CPT1A: variants seen among roughly 807,000 people sequenced by gnomAD.
CPT1A encodes carnitine palmitoyltransferase 1A, also known as carnitine O-palmitoyltransferase 1, liver isoform.
CPT1A carries 64 observed loss-of-function variants against 100.8 expected under a neutral mutation model. The observed-to-expected ratio is 0.63, with a 90% CI of 0.52 to 0.78. The LOEUF (loss-of-function observed/expected upper bound fraction) is 0.78, where lower values mean the gene tolerates loss of function less well. Ranked by LOEUF, CPT1A falls within the 30% of genes least tolerant of loss-of-function variation. The probability of loss-of-function intolerance (pLI) is 0.00; values close to 1 mark genes in which losing one functional copy is unlikely to be tolerated. For synonymous variants in CPT1A, 363 were observed against 396.0 expected (o/e 0.92, Z 0.99); for missense variants, 802 against 1,034.1 (o/e 0.78, Z 3.08).
chr11:68,818,890 ATAT>A, intron 1 of CPT1A, among the ~76,000 whole-genome samples: 1 of 152,088 alleles, frequency 6.6e-6, no homozygotes, highest in East Asian at 1.9e-4. Flanking sequence ...CAGTATTTAC[ATAT>A]TATTTAGTAG....
At position 68,807,494 on chromosome 11, in the gene CPT1A, C is replaced by T; in HGVS notation, c.426G>A (p.Lys142=). ...TCCAGATCTTGGTGGCACGACTCAT[C>T]TTGCCGTGCTCAGTGAACATCCACC... ...YHGWMFTEHG[K]MSRATKIWMG... Residue 142 remains lysine (K), a synonymous_variant, in exon 4 of 19, where the codon AAG becomes AAA. Transcript: ENST00000265641. The T allele has an allele frequency of 6.2e-7, 1 of 1,614,194 alleles. No individual in the cohort carries two copies. The highest frequency in any genetic ancestry group is 8.5e-7 in the Non-Finnish European group (1 of 1,180,028).
rs80356775 is a variant in CPT1A at position 68,807,553 on chromosome 11, G to A, written c.367C>T (p.Arg123Cys). The change falls in exon 4 of 19, where the codon CGC (arginine) becomes TGC (cysteine). Residue 123 changes from arginine to cysteine, a missense_variant. This residue lies in a region of CPT1A where 161 missense variants were observed against 183.7 expected (regional missense o/e 0.88). Coordinates refer to ENST00000265641, the MANE Select transcript of CPT1A (RefSeq NM_001876.4). Reference sequence around the variant, plus strand: ...GAGAGCAGCACTTTCAGGGAGTAGCGCATGGTGACGATGAGGGCCACCCAC... The same window carrying A: ...GAGAGCAGCACTTTCAGGGAGTAGCACATGGTGACGATGAGGGCCACCCAC... Reference protein sequence around the residue: ...GLWVALIVTMRYSLKVLLSYH... With the variant: ...GLWVALIVTMCYSLKVLLSYH... 4.3e-6 allele frequency: 7 copies of A among 1,613,998 alleles called. No individual in the cohort carries two copies. Among genetic ancestry groups the A allele is most frequent in the East Asian group, 2.2e-5 (1 of 44,888 alleles).
chr11:68,841,976 G>T (rs1857171830), upstream of CPT1A: 3 of 985,152 alleles, frequency 3.0e-6, no homozygotes, highest in South Asian at 4.5e-5. This position sits in a 1 kb window ranked among gnomAD's most constrained non-coding sequence, Gnocchi z 6.3. Context: ...CGCGGAGGGC[G>T]GGCCCGGGGC....
At chr11:68,772,353 C>CA (rs35574171) in intron 14 of CPT1A, among the ~76,000 whole-genome samples, 7 of 151,226 alleles carry the variant, frequency 4.6e-5, no homozygotes, top group African/African-American at 7.3e-5. Flanking sequence ...GATTCTGTCT[C>CA]AAAAAAAAAG....
chr11:68,824,204 G>A (rs1271832960), intron 1 of CPT1A, among the ~76,000 whole-genome samples: 2 of 147,874 alleles, frequency 1.4e-5, no homozygotes, highest in South Asian at 2.2e-4. Flanking sequence ...GCTGAGATCG[G>A]GCCACTGCAC....
chr11:68,760,477 C>T (rs1239335643), intron 16 of CPT1A, 139 bp from the exon 17 acceptor site: 4 of 612,452 alleles, frequency 6.5e-6, no homozygotes, highest in Non-Finnish European at 1.1e-5. Context: ...AAAGGCCTCA[C>T]TGGCTTGGGC....
intron 14 of CPT1A, among the ~76,000 whole-genome samples, chr11:68,767,543 T>C (rs1270453217): frequency 6.6e-6 from 1 of 152,172 alleles, no homozygotes; most frequent in Non-Finnish European, 1.5e-5. Flanking sequence ...TAAGCCGTGA[T>C]TGTGCTACTG....
At chr11:68,758,221 T>A (rs950997595) in intron 18 of CPT1A, among the ~76,000 whole-genome samples, 5 of 151,316 alleles carry the variant, frequency 3.3e-5, no homozygotes, top group African/African-American at 4.9e-5. Context: ...TGAGCCGAGA[T>A]CACACCACTG....
At chr11:68,785,998 G>A in intron 9 of CPT1A, 1 of 702,332 alleles carries the variant, frequency 1.4e-6, no homozygotes. Context: ...GCACTGCTCA[G>A]TGGGGATGCA....
intron 1 of CPT1A, among the ~76,000 whole-genome samples, chr11:68,837,362 G>A (rs1020653536): frequency 6.6e-6 from 1 of 152,144 alleles, no homozygotes; most frequent in Non-Finnish European, 1.5e-5. Context: ...GTTTCTCCAG[G>A]GCATCAGAAC....
chr11:68,820,221 A>G (rs1158940971), intron 1 of CPT1A, among the ~76,000 whole-genome samples: 1 of 151,990 alleles, frequency 6.6e-6, no homozygotes, highest in African/African-American at 2.4e-5. Context: ...TTGTAGAGAC[A>G]GCGTTTCACC....
At chr11:68,832,081 A>C (rs1856895388) in intron 1 of CPT1A, among the ~76,000 whole-genome samples, 1 of 152,196 alleles carries the variant, frequency 6.6e-6, no homozygotes, top group African/African-American at 2.4e-5. Flanking sequence ...CCATGTACTA[A>C]TGAGAAAACC....
At chr11:68,782,007 T>C in intron 10 of CPT1A, 48 bp from the exon 11 acceptor site, 1 of 1,517,362 alleles carries the variant, frequency 6.6e-7, no homozygotes, top group Non-Finnish European at 9.2e-7. Context: ...CCTGCAGCGA[T>C]GGAGCGTGAT....
chr11:68,808,998 AAAAT>A lies in CPT1A; in HGVS notation c.282-1364_282-1361del, dbSNP rs531991492. On this transcript the variant is annotated intron_variant, in intron 3 of 18. Coordinates refer to ENST00000265641, the MANE Select transcript of CPT1A (RefSeq NM_001876.4). Reference sequence around the variant, plus strand: ...AAGAAATAAAAAATAATAAAAATAAAAAATAATAAATATTTCTTCAAAATAAGAA... The same window carrying A: ...AAGAAATAAAAAATAATAAAAATAAAAATAAATATTTCTTCAAAATAAGAA... 3.1e-3 allele frequency among the ~76,000 whole-genome samples: 468 copies of A among 149,092 alleles called. 3 individuals are homozygous for A. The highest frequency in any genetic ancestry group is 0.011 in the African/African-American group (455 of 39,680).
chr11:68,826,696 C>T (rs1227808016), intron 1 of CPT1A, among the ~76,000 whole-genome samples: 18 of 150,820 alleles, frequency 1.2e-4, no homozygotes, highest in African/African-American at 4.4e-4. Flanking sequence ...TGAGATCAGG[C>T]TACTGCACTA....
At position 68,794,826 on chromosome 11, in the gene CPT1A, A is replaced by C; in HGVS notation, c.857T>G (p.Leu286Arg). The C allele has an allele frequency of 6.2e-7, 1 of 1,614,190 alleles. No individual in the cohort carries two copies. The highest frequency in any genetic ancestry group is 8.5e-7 in the Non-Finnish European group (1 of 1,179,998). Residue 286 changes from leucine (L) to arginine (R), a missense_variant, in exon 8 of 19, where the codon CTG becomes CGG. Leu to Arg is a moderately radical substitution (Grantham distance 102, BLOSUM62 -2). This residue lies in a region of CPT1A where 627 missense variants were observed against 799.3 expected (regional missense o/e 0.78). Coordinates refer to ENST00000265641, the MANE Select transcript of CPT1A (RefSeq NM_001876.4). ...IHAILLYRRK[L>R]DREEIKPIRL... The stretch of plus-strand genomic sequence containing the variant: ...TACTGGTTTGATTTCCTCCCGGTCC[A>C]GTTTGCGCCTGTAAAGCAGGATGGC...
intron 13 of CPT1A, chr11:68,773,837 T>C (rs773338208): frequency 1.6e-4 from 48 of 307,448 alleles, no homozygotes; most frequent in Non-Finnish European, 2.4e-4. Flanking sequence ...ATCTCAAGCG[T>C]TGGGCGAGTG....
upstream of CPT1A, among the ~76,000 whole-genome samples, chr11:68,842,345 G>A (rs187580623): frequency 6.6e-6 from 1 of 152,030 alleles, no homozygotes; most frequent in Non-Finnish European, 1.5e-5. Flanking sequence ...GGAGTGGTGG[G>A]GCGCGCCTGT....
chr11:68,796,030 G>C (rs1269936164), intron 7 of CPT1A, among the ~76,000 whole-genome samples: 1 of 152,196 alleles, frequency 6.6e-6, no homozygotes, highest in Non-Finnish European at 1.5e-5. Context: ...TATTAAAGCA[G>C]TGGTCAAGAA....
Sources: allele counts gnomAD v4.1 joint callset (sites outside exome capture counted in the v4.1 genomes callset), GRCh38; gene constraint gnomAD v4.1.1; regional missense constraint gnomAD v4.1.1; non-coding constraint Gnocchi (gnomAD v3.1); transcripts MANE v1.5; gene names NCBI Gene and HGNC (gene_info 2026-07-23, HGNC 2026-07-21).